The following FERMT2 variants were observed in gnomAD, a reference collection of about 807,000 sequenced individuals.
The protein encoded by FERMT2 is FERM domain containing kindlin 2.
A neutral mutation model predicts 82.7 loss-of-function variants in FERMT2; 15 were observed. The observed-to-expected ratio is 0.18, with a 90% CI of 0.12 to 0.28. The LOEUF (loss-of-function observed/expected upper bound fraction) is 0.28. Ranked by LOEUF, FERMT2 falls within the 10% of genes least tolerant of loss-of-function variation. FERMT2 has a pLI of 1.00. For synonymous variants in FERMT2, 274 were observed against 271.5 expected, an observed-to-expected ratio of 1.01 and a Z score of -0.09; for missense variants, 645 against 809.4, an observed-to-expected ratio of 0.80 and a Z score of 2.46.
At chr14:52,913,728 C>T (rs1594985417) in intron 3 of FERMT2, among the ~76,000 whole-genome samples, 1 of 128,212 alleles carries the variant, frequency 7.8e-6, no homozygotes, top group Non-Finnish European at 1.7e-5. Context: ...AAAGACCAAC[C>T]ACCCACTACA....
chr14:52,943,283 G>A (rs538499058), intron 2 of FERMT2, among the ~76,000 whole-genome samples: 2 of 152,142 alleles, frequency 1.3e-5, no homozygotes, highest in Middle Eastern at 3.4e-3. Flanking sequence ...GTTAAACAAT[G>A]TCTTAAAAGA....
chr14:52,897,963 T>G (rs1471922922), intron 3 of FERMT2, among the ~76,000 whole-genome samples: 1 of 93,986 alleles, frequency 1.1e-5, no homozygotes, highest in Non-Finnish European at 1.9e-5. Context: ...GCAAGGAGAG[T>G]GAAACTCCGT....
chr14:52,898,115 CAGA>C (rs748741008), intron 3 of FERMT2, among the ~76,000 whole-genome samples: 2 of 151,664 alleles, frequency 1.3e-5, no homozygotes, highest in African/African-American at 2.4e-5. Flanking sequence ...ATGGAATTAG[CAGA>C]AGAACTATCC....
intron 3 of FERMT2, among the ~76,000 whole-genome samples, chr14:52,902,889 A>AAAAAAAAAAAAAAAAAAAAAAAT (rs1566740566): frequency 7.1e-6 from 1 of 140,050 alleles, no homozygotes; most frequent in Non-Finnish European, 1.5e-5. Flanking sequence ...AAAAAAAAAA[A>AAAAAAAAAAAAAAAAAAAAAAAT]AACCCCAAAA....
chr14:52,860,564 C>T, intron 12 of FERMT2, 99 bp from the exon 13 acceptor site: 1 of 981,498 alleles, frequency 1.0e-6, no homozygotes, highest in Non-Finnish European at 1.5e-6. Flanking sequence ...CCCCGTACCC[C>T]AAAATCATAT....
At chr14:52,867,456 A>G (rs1480518569) in intron 10 of FERMT2, among the ~76,000 whole-genome samples, 1 of 152,034 alleles carries the variant, frequency 6.6e-6, no homozygotes, top group Non-Finnish European at 1.5e-5. Flanking sequence ...CTTCACTGCC[A>G]TAGTCTTCCT....
chr14:52,910,217 T>C (rs1422843611), intron 3 of FERMT2, among the ~76,000 whole-genome samples: 2 of 152,226 alleles, frequency 1.3e-5, no homozygotes, highest in East Asian at 3.8e-4. Context: ...ATCTGAGTTC[T>C]GTTCCACTAG....
At chr14:52,920,798 A>G (rs923521309) in intron 2 of FERMT2, among the ~76,000 whole-genome samples, 1 of 152,054 alleles carries the variant, frequency 6.6e-6, no homozygotes, top group Non-Finnish European at 1.5e-5. Flanking sequence ...ACAAAAAATT[A>G]GCTGGGCATG....
intron 6 of FERMT2, among the ~76,000 whole-genome samples, chr14:52,879,725 T>G (rs902163640): frequency 6.6e-6 from 1 of 152,136 alleles, no homozygotes; most frequent in Non-Finnish European, 1.5e-5. Flanking sequence ...ATCTAGACTA[T>G]ACTCTAAACA....
At chr14:52,863,002 C>T (rs1480275030) in intron 12 of FERMT2, 1 of 152,160 alleles carries the variant, frequency 6.6e-6, no homozygotes, top group African/African-American at 2.4e-5. Context: ...TACTTATTGC[C>T]TTTGAAGGCA....
intron 2 of FERMT2, among the ~76,000 whole-genome samples, chr14:52,937,948 C>T (rs552429575): frequency 2.3e-4 from 35 of 152,354 alleles, no homozygotes; most frequent in African/African-American, 8.4e-4. Flanking sequence ...CTACTACTTA[C>T]TATGTGCCAA....
chr14:52,945,754 T>C (rs960519185), intron 2 of FERMT2, among the ~76,000 whole-genome samples: 12 of 152,150 alleles, frequency 7.9e-5, no homozygotes, highest in African/African-American at 2.9e-4. Context: ...TGGCTGGAGA[T>C]TTCCATTCAG....
At chr14:52,913,167 CCT>C (rs1374287982) in intron 3 of FERMT2, among the ~76,000 whole-genome samples, 2 of 152,062 alleles carry the variant, frequency 1.3e-5, no homozygotes, top group Admixed American at 6.5e-5. Context: ...CCCGAGATAA[CCT>C]CTGTCAACAT....
chr14:52,912,253 G>C (rs535855168), intron 3 of FERMT2, among the ~76,000 whole-genome samples: 1 of 152,094 alleles, frequency 6.6e-6, no homozygotes, highest in Non-Finnish European at 1.5e-5. Flanking sequence ...TTTTGTTTTC[G>C]ACAATTTCAT....
intron 3 of FERMT2, among the ~76,000 whole-genome samples, chr14:52,913,680 C>CAGTAGTAGTAGTTAGTAGTAGT (rs1555371524): frequency 2.7e-5 from 4 of 147,764 alleles, no homozygotes; most frequent in Non-Finnish European, 6.0e-5. Flanking sequence ...CAGCCAAAAA[C>CAGTAGTAGTAGTTAGTAGTAGT]AGTAGTAGTA....
chr14:52,885,158 C>T (rs578037940), intron 4 of FERMT2, among the ~76,000 whole-genome samples: 1 of 151,006 alleles, frequency 6.6e-6, no homozygotes, highest in Non-Finnish European at 1.5e-5. Context: ...ACTAAAAATA[C>T]AAAAATTAGC....
At chr14:52,889,847 AG>A (rs2139530364) in intron 4 of FERMT2, among the ~76,000 whole-genome samples, 1 of 152,300 alleles carries the variant, frequency 6.6e-6, no homozygotes, top group Non-Finnish European at 1.5e-5. Context: ...GTGAAAATAC[AG>A]GGCCAGGTGT....
At chr14:52,940,782 C>T (rs1250904174) in intron 2 of FERMT2, among the ~76,000 whole-genome samples, 1 of 149,414 alleles carries the variant, frequency 6.7e-6, no homozygotes, top group South Asian at 2.1e-4. Context: ...GATAGTACTA[C>T]TTACTTATTA....
rs1263291681 is a variant in FERMT2, at chr14:52,858,153, A to C, written c.*224T>G. ...TGCCCACTATTTCAGTTTTCAATTC[A>C]TGGCCCTAAGGAATGTGTGACAAAT... On this transcript the variant is annotated 3_prime_UTR_variant, in exon 15 of 15. Coordinates refer to ENST00000341590, the MANE Select transcript of FERMT2 (RefSeq NM_006832.3). The C allele has an allele frequency of 3.6e-5, 17 of 475,518 alleles. No homozygotes were observed. In the East Asian group the frequency reaches 5.7e-4, roughly 16 times the overall value. The allele number at this position is 475,518 out of a possible 1,614,324, so 29.5% of individuals were successfully genotyped here.
Sources: gnomAD v4.1 joint callset for allele counts (sites outside exome capture counted in the v4.1 genomes callset) on GRCh38, gnomAD v4.1.1 for gene constraint, MANE v1.5 for transcripts, NCBI Gene and HGNC (gene_info 2026-07-23, HGNC 2026-07-21) for gene names.